The following NEBL variants were observed in gnomAD, a reference collection of about 807,000 sequenced individuals.
NEBL encodes the protein LIM and SH3 protein 2.
NEBL carries 122 observed loss-of-function variants against 140.2 expected under a neutral mutation model. That is an observed-to-expected ratio of 0.87 (90% CI 0.75 to 1.01). NEBL has a LOEUF of 1.01. NEBL is among the 50% of genes least tolerant of loss of function. The pLI is 0.00. For missense variants in NEBL, 1,365 were observed against 1,231.3 expected, an observed-to-expected ratio of 1.11 and a Z score of -1.62; for synonymous variants, 436 against 398.9, an observed-to-expected ratio of 1.09 and a Z score of -1.11.
chr10:21,205,545 T>C (rs1420387954), intron 3 of NEBL, among the ~76,000 whole-genome samples: 4 of 152,078 alleles, frequency 2.6e-5, no homozygotes, highest in African/African-American at 9.7e-5. Context: ...AAAAAACAAA[T>C]TACAGAACAA....
chr10:21,101,956 A>T (rs1837499310), intron 2 of NEBL, among the ~76,000 whole-genome samples: 1 of 152,264 alleles, frequency 6.6e-6, no homozygotes, highest in Non-Finnish European at 1.5e-5. Context: ...TCCAAGACAG[A>T]GTAGAAGCCA....
intron 1 of NEBL, chr10:21,172,564 C>T (rs1564535788): frequency 1.1e-6 from 1 of 897,102 alleles, no homozygotes; most frequent in Non-Finnish European, 1.8e-6. Context: ...TTTAGTGCAT[C>T]ACAGTCCCTG....
chr10:20,801,689 G>T (rs552971153), intron 26 of NEBL, among the ~76,000 whole-genome samples: 74 of 152,082 alleles, frequency 4.9e-4, no homozygotes, highest in African/African-American at 1.7e-3. Context: ...TGAGCAGATG[G>T]AGTTATGGGT....
Position 20,781,993 on chromosome 10 carries a change from T to C in NEBL, c.*3754A>G, listed in dbSNP as rs1835065094. Reference sequence around the variant, plus strand: ...AGTGAATCCAGCCTCACAATTATTCTATCTTACAATAGGCATTTTAAATCC... The same window carrying C: ...AGTGAATCCAGCCTCACAATTATTCCATCTTACAATAGGCATTTTAAATCC... On this transcript the variant is annotated 3_prime_UTR_variant, in exon 28 of 28. Transcript: ENST00000377122. 6.6e-6 allele frequency: 1 copy of C among 152,628 alleles called. No individual in the cohort carries two copies. Among genetic ancestry groups the C allele is most frequent in the African/African-American group, 2.4e-5 (1 of 41,458 alleles). The allele number at this position is 152,628 out of a possible 1,614,324, so 9.5% of individuals were successfully genotyped here.
intron 3 of NEBL, among the ~76,000 whole-genome samples, chr10:21,205,783 A>C (rs1471737694): frequency 1.3e-5 from 2 of 151,978 alleles, no homozygotes; most frequent in Admixed American, 6.6e-5. Context: ...ATTTTTACAT[A>C]ATAATAATAA....
At position 20,850,754 on chromosome 10, in the gene NEBL, A is replaced by T. The variant is rs2274361; in HGVS notation, c.1009-252T>A. 0.22 allele frequency among the ~76,000 whole-genome samples: 34,115 copies of T among 152,172 alleles called. 4,226 individuals carry two copies. Among genetic ancestry groups the T allele is most frequent in the East Asian group, 0.43 (2,225 of 5,158 alleles). ...TGTAGTTCTAGGAGTTGTATAAAGCATCTTGTCAAATGGCTGGAATATATA... is the reference window on the plus strand; with the variant it reads ...TGTAGTTCTAGGAGTTGTATAAAGCTTCTTGTCAAATGGCTGGAATATATA... On this transcript the variant is annotated intron_variant, in intron 10 of 27. Coordinates refer to ENST00000377122, the MANE Select transcript of NEBL (RefSeq NM_006393.3).
intron 26 of NEBL, among the ~76,000 whole-genome samples, chr10:20,799,251 G>T (rs1836863414): frequency 6.6e-6 from 1 of 152,180 alleles, no homozygotes; most frequent in Non-Finnish European, 1.5e-5. Context: ...CACCTCCCGG[G>T]TTCAAGTGAT....
intron 2 of NEBL, among the ~76,000 whole-genome samples, chr10:20,895,483 C>T (rs1216414799): frequency 6.6e-6 from 1 of 152,170 alleles, no homozygotes; most frequent in Non-Finnish European, 1.5e-5. Flanking sequence ...TCTATCTCCT[C>T]GCTTCAGAAA....
intron 4 of NEBL, among the ~76,000 whole-genome samples, chr10:20,933,085 A>T (rs1834277531): frequency 6.6e-6 from 1 of 152,152 alleles, no homozygotes; most frequent in South Asian, 2.1e-4. Flanking sequence ...GGTACAATCG[A>T]TTAGAAGAAC....
chr10:21,195,827 A>G (rs975342481), intron 3 of NEBL, among the ~76,000 whole-genome samples: 1 of 152,182 alleles, frequency 6.6e-6, no homozygotes, highest in South Asian at 2.1e-4. Flanking sequence ...TCCAACAGAA[A>G]TATTGGTGCT....
In NEBL at chr10:20,783,752, T is replaced by G. The variant is rs1207933613; in HGVS notation, c.*1995A>C. ...TTTATCCTCAGTTTTAACGACAGAT[T>G]TTTTTGCAAAAATATTGCAAGTTCA... is the stretch of plus-strand genomic sequence containing the variant. On this transcript the variant is annotated 3_prime_UTR_variant, in exon 28 of 28. Coordinates refer to ENST00000377122, the MANE Select transcript of NEBL (RefSeq NM_006393.3). 6.6e-6 allele frequency: 1 copy of G among 152,584 alleles called. No homozygotes were observed. The highest frequency in any genetic ancestry group is 6.6e-5 in the Admixed American group (1 of 15,262). The allele number at this position is 152,584 out of a possible 1,614,324, so 9.5% of individuals were successfully genotyped here.
intron 4 of NEBL, among the ~76,000 whole-genome samples, chr10:20,937,547 C>T (rs1042159791): frequency 2.0e-5 from 3 of 152,132 alleles, no homozygotes; most frequent in Admixed American, 6.5e-5. Flanking sequence ...GCATTTCCAA[C>T]TGGGGGACTG....
chr10:20,853,181 T>C (rs1393285824), intron 9 of NEBL, among the ~76,000 whole-genome samples: 1 of 152,172 alleles, frequency 6.6e-6, no homozygotes, highest in African/African-American at 2.4e-5. Flanking sequence ...CAACTATTGT[T>C]CCTAAAAGGA....
exon 2 of NEBL, among the ~76,000 whole-genome samples, chr10:21,251,803 G>T (rs549799431): frequency 1.2e-4 from 19 of 152,230 alleles, no homozygotes; most frequent in Non-Finnish European, 2.4e-4. Context: ...CCAGCGTCTT[G>T]ATCTTGGACT....
At chr10:21,043,655 T>C (rs1330650535) in intron 2 of NEBL, among the ~76,000 whole-genome samples, 2 of 152,150 alleles carry the variant, frequency 1.3e-5, no homozygotes, top group Non-Finnish European at 2.9e-5. Context: ...TCATCACCTT[T>C]CCTAGTGAGA....
chr10:20,894,061 G>A (rs1847240609), intron 2 of NEBL, among the ~76,000 whole-genome samples: 1 of 152,152 alleles, frequency 6.6e-6, no homozygotes, highest in Non-Finnish European at 1.5e-5. Flanking sequence ...ACTCTGCACA[G>A]TTCTGATTAT....
chr10:20,942,131 G>C (rs1834904554), intron 4 of NEBL, among the ~76,000 whole-genome samples: 1 of 152,122 alleles, frequency 6.6e-6, no homozygotes, highest in African/African-American at 2.4e-5. Flanking sequence ...ACCTTGCCAA[G>C]TCAATCCTAA....
chr10:20,909,019 T>G (rs1344124557), intron 4 of NEBL, among the ~76,000 whole-genome samples: 4 of 152,074 alleles, frequency 2.6e-5, no homozygotes, highest in African/African-American at 9.7e-5. Flanking sequence ...TTTTAATTTT[T>G]TGGGTACACA....
At chr10:21,281,291 C>A (rs1198612820) in intron 1 of NEBL, among the ~76,000 whole-genome samples, 3 of 151,952 alleles carry the variant, frequency 2.0e-5, no homozygotes, top group Non-Finnish European at 2.9e-5. Context: ...GCATTCTGGC[C>A]CAGTGCAAGC....
Sources: gnomAD v4.1 joint callset for allele counts (sites outside exome capture counted in the v4.1 genomes callset) on GRCh38, gnomAD v4.1.1 for gene constraint, MANE v1.5 for transcripts, NCBI Gene and HGNC (gene_info 2026-07-23, HGNC 2026-07-21) for gene names.